BCORL1: variants seen among roughly 807,000 people sequenced by gnomAD.
BCORL1 encodes the protein BCL6 corepressor like 1.
BCORL1 carries 7 observed loss-of-function variants against 87.6 expected under a neutral mutation model. The observed-to-expected ratio is 0.08, with a 90% CI of 0.05 to 0.15. The LOEUF (loss-of-function observed/expected upper bound fraction) is 0.15. Among genes scored for constraint, BCORL1 ranks in the 10% least tolerant of loss-of-function variants. BCORL1 has a pLI of 1.00. For synonymous variants in BCORL1, 591 were observed against 634.4 expected, an observed-to-expected ratio of 0.93 and a Z score of 1.03; for missense variants, 1,215 against 1,499.7, an observed-to-expected ratio of 0.81 and a Z score of 3.13.
chrX:130,027,339 G>A (rs778507270), intron 7 of BCORL1, among the ~76,000 whole-genome samples: 1 of 112,958 alleles, frequency 8.9e-6, no homozygotes, highest in East Asian at 2.8e-4. Context: ...AGCAATTCCT[G>A]GACAGGCTAT....
chrX:130,020,464 T>C (rs867840780), intron 4 of BCORL1, among the ~76,000 whole-genome samples: 1 of 112,253 alleles, frequency 8.9e-6, no homozygotes, highest in South Asian at 3.7e-4. Context: ...TGTCATGTTT[T>C]TCTTCTTGCC....
chrX:130,013,711 C>G lies in BCORL1; in HGVS notation c.939C>G (p.Pro313=). Residue 313 remains proline (P), a synonymous_variant, in exon 4 of 14, where the codon CCC becomes CCG. Transcript: ENST00000540052. The stretch of plus-strand genomic sequence containing the variant: ...TTTCAGTCCCAGTTTCAGCTCCTCC[C>G]TTGGCTCTCATCCAGGCTCCTGTGC... ...APLSVPVSAP[P]LALIQAPVPP... is the part of the protein sequence containing the mutation. The G allele has an allele frequency of 1.7e-6, 2 of 1,208,062 alleles. No individual in the cohort carries two copies. Among genetic ancestry groups the G allele is most frequent in the Non-Finnish European group, 2.2e-6 (2 of 893,650 alleles).
At chrX:129,981,266 C>T (rs1184507876), upstream of BCORL1, 1 of 111,122 alleles carries the variant, frequency 9.0e-6, no homozygotes, top group Non-Finnish European at 1.9e-5. Flanking sequence ...CCCTCCCCGC[C>T]ACAGTCCTTT....
rs994052071 is a variant in BCORL1 at position 129,993,468 on chromosome X, T to C, written c.-45+10706T>C. Among the ~76,000 whole-genome samples, 3 of 112,216 alleles carry C rather than the reference T, an allele frequency of 2.7e-5. No homozygotes were observed. The Admixed American group carries it at 2.8e-4, about 11-fold the overall frequency. ...TGGGAGGCAAAGGCAGGAGGACTGCTTGAGGCCAGGAGTTTGAGACCAGCC... is the reference window on the plus strand; with the variant it reads ...TGGGAGGCAAAGGCAGGAGGACTGCCTGAGGCCAGGAGTTTGAGACCAGCC... On this transcript the variant is annotated intron_variant, in intron 1 of 13. Coordinates refer to ENST00000540052, the MANE Select transcript of BCORL1 (RefSeq NM_001379451.1).
At chrX:130,025,707 GGAGTC>G (rs1930206463) in intron 7 of BCORL1, among the ~76,000 whole-genome samples, 2 of 110,927 alleles carry the variant, frequency 1.8e-5, no homozygotes, top group Admixed American at 1.9e-4. Flanking sequence ...TTGGCTTGAG[GGAGTC>G]GAGTCTTTTG....
intron 11 of BCORL1, among the ~76,000 whole-genome samples, chrX:130,040,195 C>T (rs1931225365): frequency 8.9e-6 from 1 of 112,054 alleles, no homozygotes; most frequent in African/African-American, 3.2e-5. Flanking sequence ...TGGCCAGGAG[C>T]CAACAGGACT....
rs995625061 is a variant in BCORL1 at position 130,031,612 on chromosome X, C to T, written c.4305+2751C>T. Among the ~76,000 whole-genome samples, 11 of 111,583 alleles carry T rather than the reference C, an allele frequency of 9.9e-5. No individual in the cohort carries two copies. In the South Asian group the frequency reaches 3.8e-3, roughly 38 times the overall value. On this transcript the variant is annotated intron_variant, in intron 8 of 13. Coordinates refer to ENST00000540052, the MANE Select transcript of BCORL1 (RefSeq NM_001379451.1). ...CAGCCTGGGCAACATGGTGAAACCCCGTCTGTACTAAAAGTACAAAAATTA... is the reference window on the plus strand; with the variant it reads ...CAGCCTGGGCAACATGGTGAAACCCTGTCTGTACTAAAAGTACAAAAATTA...
chrX:129,996,273 C>T (rs1927559348), intron 1 of BCORL1, among the ~76,000 whole-genome samples: 1 of 111,523 alleles, frequency 9.0e-6, no homozygotes. Context: ...CGCCTATCCT[C>T]TAGAGGACAG....
chrX:129,984,389 G>A (rs1468588391), intron 1 of BCORL1, among the ~76,000 whole-genome samples: 1 of 109,108 alleles, frequency 9.2e-6, no homozygotes, highest in Non-Finnish European at 1.9e-5. Context: ...CCGGGACGAC[G>A]ACGACGAGGA....
At position 130,051,981 on chromosome X, in the gene BCORL1, C is replaced by T; in HGVS notation, c.5040C>T (p.Leu1680=). ...FMFELSDKPL[L]PCYNLQVSVS... ...TTGAACTCTCAGACAAGCCTCTTCT[C>T]CCTTGCTACAACCTCCAAGTGTCAG... is the stretch of plus-strand genomic sequence containing the variant. The change falls in exon 13 of 14, where the codon CTC becomes CTT. Residue 1680 remains leucine (L), a synonymous_variant. Transcript: ENST00000540052. 1 of 1,205,267 alleles carries T rather than the reference C, an allele frequency of 8.3e-7. No individual in the cohort carries two copies. The highest frequency in any genetic ancestry group is 1.7e-5 in the African/African-American group (1 of 57,613).
At chrX:130,043,673 C>T (rs1233677807) in intron 11 of BCORL1, among the ~76,000 whole-genome samples, 1 of 99,117 alleles carries the variant, frequency 1.0e-5, no homozygotes, top group East Asian at 3.3e-4. Context: ...CTCCCAGGTT[C>T]AAGTGATTCT....
chrX:130,037,515 G>A lies in BCORL1; in HGVS notation c.4676G>A (p.Ser1559Asn). ...GAGCACGGGGCCAACGTGAACTGCA[G>A]TGCGCAGGACGGCACGAGGCAAGAG... The part of the protein sequence containing the change: ...LLEHGANVNC[S>N]AQDGTRPVHD... Residue 1559 changes from serine to asparagine, a missense_variant, in exon 10 of 14, where the codon AGT becomes AAT. Physicochemically the swap from Ser to Asn is conservative, Grantham distance 46. Coordinates refer to ENST00000540052, the MANE Select transcript of BCORL1 (RefSeq NM_001379451.1). The A allele has an allele frequency of 8.3e-7, 1 of 1,210,816 alleles. No individual in the cohort carries two copies. Among genetic ancestry groups the A allele is most frequent in the Non-Finnish European group, 1.1e-6 (1 of 894,989 alleles).
chrX:129,990,618 C>G (rs1198295225), intron 1 of BCORL1, among the ~76,000 whole-genome samples: 5 of 111,775 alleles, frequency 4.5e-5, no homozygotes, highest in Non-Finnish European at 9.4e-5. Flanking sequence ...AAACTATCAA[C>G]AGCTTCTCAG....
intron 11 of BCORL1, among the ~76,000 whole-genome samples, chrX:130,040,216 C>T (rs1182812735): frequency 1.8e-5 from 2 of 112,010 alleles, no homozygotes; most frequent in Non-Finnish European, 3.8e-5. Flanking sequence ...AAGGATTGGC[C>T]CAAAGCTGCT....
At chrX:130,051,165 C>T (rs1389280642) in intron 12 of BCORL1, among the ~76,000 whole-genome samples, 1 of 112,375 alleles carries the variant, frequency 8.9e-6, no homozygotes, top group Non-Finnish European at 1.9e-5. Context: ...CTGAGACCTA[C>T]CATTCCCTCC....
intron 1 of BCORL1, among the ~76,000 whole-genome samples, chrX:129,997,794 CAAAAAAA>C (rs1229437098): frequency 3.5e-5 from 1 of 28,969 alleles, no homozygotes; most frequent in Non-Finnish European, 6.5e-5. Context: ...TCCGACTCAC[CAAAAAAA>C]AAAAAAAAAA....
chrX:130,055,150 C>A (rs1223187406), intron 13 of BCORL1, among the ~76,000 whole-genome samples: 1 of 111,919 alleles, frequency 8.9e-6, no homozygotes, highest in Middle Eastern at 4.2e-3. Flanking sequence ...AAGCGTTTGG[C>A]CCGGGATCGG....
At chrX:129,995,461 C>A (rs1168115915) in intron 1 of BCORL1, among the ~76,000 whole-genome samples, 1 of 110,964 alleles carries the variant, frequency 9.0e-6, no homozygotes, top group Non-Finnish European at 1.9e-5. Context: ...TATTTTTTGA[C>A]ACGGAGTCTA....
chrX:130,037,216 ATGT>A (rs1931005735), intron 9 of BCORL1, 148 bp from the exon 10 acceptor site: 5 of 568,204 alleles, frequency 8.8e-6, no homozygotes, highest in Non-Finnish European at 1.2e-5. Context: ...CTCAGGACTG[ATGT>A]TGTTAATGAA....
Sources: allele counts gnomAD v4.1 joint callset (sites outside exome capture counted in the v4.1 genomes callset), GRCh38; gene constraint gnomAD v4.1.1; transcripts MANE v1.5; gene names NCBI Gene and HGNC (gene_info 2026-07-23, HGNC 2026-07-21).